The following APBB2 variants were observed in gnomAD, a reference collection of about 807,000 sequenced individuals.
The protein encoded by APBB2 is Fe65-like 1.
In APBB2, 38 loss-of-function variants were observed where a neutral mutation model predicts 82.5. That is an observed-to-expected ratio of 0.46 (90% CI 0.36 to 0.60). The LOEUF is 0.60. APBB2 is among the 20% of genes least tolerant of loss of function. The pLI, the probability that APBB2 is intolerant of heterozygous loss-of-function variation, is 0.00. For missense variants in APBB2, 772 were observed against 972.3 expected (o/e 0.79, Z 2.74); for synonymous variants, 341 against 368.2 (o/e 0.93, Z 0.85).
chr4:41,178,329 C>T (rs1450663052), intron 1 of APBB2, among the ~76,000 whole-genome samples: 1 of 152,214 alleles, frequency 6.6e-6, no homozygotes. Flanking sequence ...GTTTAAGTCA[C>T]TCCTACTAAG....
chr4:40,915,684 T>C (rs1179907428), intron 10 of APBB2, among the ~76,000 whole-genome samples: 1 of 151,966 alleles, frequency 6.6e-6, no homozygotes, highest in African/African-American at 2.4e-5. Context: ...AAGACTTCAA[T>C]TAAAAGCACG....
chr4:40,995,629 G>A (rs573589089), intron 6 of APBB2, among the ~76,000 whole-genome samples: 1 of 149,816 alleles, frequency 6.7e-6, no homozygotes, highest in East Asian at 2.0e-4. Flanking sequence ...CTACAGCCTC[G>A]ACTTCCTGAG....
chr4:41,001,394 G>C (rs1805186104), intron 6 of APBB2, among the ~76,000 whole-genome samples: 1 of 152,116 alleles, frequency 6.6e-6, no homozygotes, highest in South Asian at 2.1e-4. Flanking sequence ...TCTCCAACAA[G>C]CCATTTATAG....
At chr4:41,018,099 T>C (rs1207879916) in intron 5 of APBB2, among the ~76,000 whole-genome samples, 8 of 152,174 alleles carry the variant, frequency 5.3e-5, no homozygotes, top group African/African-American at 1.4e-4. Context: ...TGTCAAACCT[T>C]TGACATAATG....
chr4:41,017,307 C>T (rs772122143), intron 5 of APBB2, among the ~76,000 whole-genome samples: 2 of 152,162 alleles, frequency 1.3e-5, no homozygotes, highest in Admixed American at 6.5e-5. Context: ...TCTAGAGCTA[C>T]GGCAGCCAAG....
At chr4:40,928,790 C>T (rs1454034571) in intron 10 of APBB2, among the ~76,000 whole-genome samples, 1 of 149,014 alleles carries the variant, frequency 6.7e-6, no homozygotes, top group African/African-American at 2.5e-5. Context: ...CAGGCAGGGG[C>T]AGGAGAGTCA....
intron 2 of APBB2, among the ~76,000 whole-genome samples, chr4:41,140,231 C>T (rs537743541): frequency 3.3e-5 from 5 of 152,110 alleles, no homozygotes; most frequent in African/African-American, 1.2e-4. Context: ...TTTGGCTAGG[C>T]CTTAAACAAT....
At chr4:41,177,320 T>C (rs1269817158) in intron 1 of APBB2, among the ~76,000 whole-genome samples, 1 of 152,178 alleles carries the variant, frequency 6.6e-6, no homozygotes, top group Non-Finnish European at 1.5e-5. Context: ...CAGCTGACAG[T>C]TATTCTGGTT....
At chr4:40,822,667 G>C (rs1748404977) in intron 16 of APBB2, among the ~76,000 whole-genome samples, 1 of 152,170 alleles carries the variant, frequency 6.6e-6, no homozygotes, top group Admixed American at 6.5e-5. Context: ...CACATCCTTT[G>C]CAAGAACCAT....
Position 40,881,221 on chromosome 4 carries a change from T to C in APBB2, c.1529+9143A>G, listed in dbSNP as rs565729401. ...TCCAGAGGTCAAGACAATACTATAG[T>C]GTAGGGAGAGAATTATTGTTCCTTC... On this transcript the variant is annotated intron_variant, in intron 12 of 17. Transcript: ENST00000508593. The C allele has an allele frequency of 1.6e-4, 158 of 985,326 alleles. No individual in the cohort carries two copies. The South Asian group carries it at 5.7e-3, about 35-fold the overall frequency. 61.0% of individuals were successfully genotyped at this position (985,326 alleles called of 1,614,324 possible). A position where few individuals can be genotyped will look rare whatever the true frequency, so the allele number is the denominator to read the frequency against.
chr4:41,002,273 A>C (rs1249025195), intron 6 of APBB2, among the ~76,000 whole-genome samples: 2 of 152,212 alleles, frequency 1.3e-5, no homozygotes, highest in African/African-American at 4.8e-5. Flanking sequence ...CCTCTTCTTA[A>C]CCAGATTAAC....
intron 6 of APBB2, among the ~76,000 whole-genome samples, chr4:40,968,877 G>C (rs1052166412): frequency 2.6e-5 from 4 of 152,124 alleles, no homozygotes; most frequent in Admixed American, 2.6e-4. Context: ...ACATGTTCTG[G>C]GAGGGACCTG....
chr4:41,094,473 C>CT (rs1462848088), intron 3 of APBB2, among the ~76,000 whole-genome samples: 1 of 152,220 alleles, frequency 6.6e-6, no homozygotes, highest in African/African-American at 2.4e-5. Context: ...TTCTACTGGA[C>CT]TTTAACTGTA....
chr4:41,153,250 T>G (rs1762713782), intron 1 of APBB2, among the ~76,000 whole-genome samples: 1 of 152,116 alleles, frequency 6.6e-6, no homozygotes, highest in Non-Finnish European at 1.5e-5. Flanking sequence ...TTTGGAGAGG[T>G]CTTAGTTCTT....
At chr4:40,853,075 G>A (rs527640903) in intron 12 of APBB2, among the ~76,000 whole-genome samples, 2 of 152,210 alleles carry the variant, frequency 1.3e-5, no homozygotes, top group African/African-American at 4.8e-5. Context: ...AAAGAAATCA[G>A]GTATGGTCCT....
intron 5 of APBB2, among the ~76,000 whole-genome samples, chr4:41,026,021 G>C (rs1351749928): frequency 2.0e-5 from 3 of 150,750 alleles, no homozygotes; most frequent in Non-Finnish European, 4.4e-5. Flanking sequence ...CCATAAAAAA[G>C]CACAAGATAA....
chr4:40,839,481 T>G (rs1184125590), intron 12 of APBB2, among the ~76,000 whole-genome samples: 1 of 152,102 alleles, frequency 6.6e-6, no homozygotes, highest in Non-Finnish European at 1.5e-5. Flanking sequence ...TTTGATAACA[T>G]CTTTCACATC....
intron 6 of APBB2, among the ~76,000 whole-genome samples, chr4:40,948,018 G>A (rs1294847338): frequency 6.6e-6 from 1 of 152,168 alleles, no homozygotes; most frequent in Non-Finnish European, 1.5e-5. Context: ...ACAGAACAGA[G>A]CAACTTCATG....
At chr4:41,086,412 T>C (rs1169155729) in intron 3 of APBB2, among the ~76,000 whole-genome samples, 2 of 152,180 alleles carry the variant, frequency 1.3e-5, no homozygotes, top group Non-Finnish European at 2.9e-5. Context: ...GCAAAAATCA[T>C]TAGCAGAAGA....
Sources: allele counts gnomAD v4.1 joint callset (sites outside exome capture counted in the v4.1 genomes callset), GRCh38; gene constraint gnomAD v4.1.1; transcripts MANE v1.5; gene names NCBI Gene and HGNC (gene_info 2026-07-23, HGNC 2026-07-21).